PAXBP1: variants seen among roughly 807,000 people sequenced by gnomAD.
PAXBP1 encodes PAX3- and PAX7-binding protein 1.
Under a neutral mutation model 119.9 loss-of-function variants are expected in PAXBP1, and 44 were observed. That is an observed-to-expected ratio of 0.37 (90% confidence interval 0.29 to 0.47). The LOEUF is 0.47. Ranked by LOEUF, PAXBP1 falls within the 20% of genes least tolerant of loss-of-function variation. The pLI is 0.99. For synonymous variants in PAXBP1, 393 were observed against 406.6 expected (o/e 0.97, Z 0.40); for missense variants, 898 against 1,134.1 (o/e 0.79, Z 2.99).
rs182144257 is a variant in PAXBP1 at position 32,754,592 on chromosome 21, T to C, written c.1507+638A>G. Among the ~76,000 whole-genome samples the C allele has an allele frequency of 3.6e-3, 551 of 152,358 alleles. 2 individuals carry two copies. The highest frequency in any genetic ancestry group is 0.024 in the South Asian group (115 of 4,826). ...TTTTCCATAACACATGTCATAATGATGGAAGTACAAATTCAATTTCTATCC... is the reference window on the plus strand; with the variant it reads ...TTTTCCATAACACATGTCATAATGACGGAAGTACAAATTCAATTTCTATCC... On this transcript the variant is annotated intron_variant, in intron 8 of 17. Transcript: ENST00000331923.
chr21:32,765,825 A>G (rs2044230976), intron 2 of PAXBP1, among the ~76,000 whole-genome samples: 1 of 152,158 alleles, frequency 6.6e-6, no homozygotes, highest in African/African-American at 2.4e-5. Flanking sequence ...TGGAGTAAAA[A>G]CTACCTATTT....
intron 10 of PAXBP1, among the ~76,000 whole-genome samples, chr21:32,749,742 C>T (rs1325275319): frequency 1.3e-5 from 2 of 151,628 alleles, no homozygotes; most frequent in Middle Eastern, 3.2e-3. Context: ...TTCCAGTTTA[C>T]AAGAAATGGA....
At position 32,771,581 on chromosome 21, in the gene PAXBP1, GC is replaced by G; in HGVS notation, c.87del (p.Pro30ArgfsTer38). 1 of 1,441,210 alleles carries G rather than the reference GC, an allele frequency of 6.9e-7. No individual in the cohort carries two copies. 89.3% of individuals were successfully genotyped at this position (1,441,210 alleles called of 1,614,324 possible). A position where few individuals can be genotyped will look rare whatever the true frequency, so the allele number is the denominator to read the frequency against. ...GTGCCCGGCGGCGGCAACAACGGCG[GC>G]GGCTCCTGCTCCTCATCGCGTTCCC... ...EERERDEEQEPPPLLPPPGTG... is the reference protein window; with the variant it reads ...EERERDEEQEXPPLLPPPGTG... On this transcript the variant is annotated frameshift_variant, in exon 1 of 18. Coordinates refer to ENST00000331923, the MANE Select transcript of PAXBP1 (RefSeq NM_016631.4). LOFTEE classifies it high-confidence loss of function.
At position 32,753,995 on chromosome 21, in the gene PAXBP1, A is replaced by G. The variant is rs562781334; in HGVS notation, c.1507+1235T>C. Among the ~76,000 whole-genome samples, 4 of 152,324 alleles carry G rather than the reference A, an allele frequency of 2.6e-5. No individual in the cohort carries two copies. In the South Asian group the frequency reaches 8.3e-4, roughly 32 times the overall value. The stretch of plus-strand genomic sequence containing the variant: ...ATCAAAAGTGATCTGGGAGGGATGC[A>G]TGAGTCATGTAGGTGGCTAATGTCA... On this transcript the variant is annotated intron_variant, in intron 8 of 17. Coordinates refer to ENST00000331923, the MANE Select transcript of PAXBP1 (RefSeq NM_016631.4).
intron 7 of PAXBP1, among the ~76,000 whole-genome samples, chr21:32,758,376 C>G (rs2044077387): frequency 1.3e-5 from 2 of 150,786 alleles, no homozygotes; most frequent in Admixed American, 6.6e-5. Flanking sequence ...AAACCAGTGC[C>G]TCAACCAATA....
intron 4 of PAXBP1, among the ~76,000 whole-genome samples, chr21:32,761,472 C>T (rs1056233473): frequency 4.6e-5 from 7 of 152,160 alleles, no homozygotes; most frequent in Non-Finnish European, 7.3e-5. Context: ...TATGAATTTA[C>T]GCATGTAAAC....
intron 10 of PAXBP1, 35 bp from the exon 11 acceptor site, chr21:32,748,733 T>A (rs1320743138): frequency 1.3e-6 from 2 of 1,565,294 alleles, no homozygotes. Context: ...GAACCATACA[T>A]TAGTATGAAG....
chr21:32,747,842 C>T (rs2043897831), intron 11 of PAXBP1, among the ~76,000 whole-genome samples: 1 of 151,232 alleles, frequency 6.6e-6, no homozygotes, highest in African/African-American at 2.4e-5. Context: ...GGCTGCAGTG[C>T]AGTGGCACAA....
At chr21:32,750,047 A>G (rs932633744) in intron 10 of PAXBP1, among the ~76,000 whole-genome samples, 3 of 152,328 alleles carry the variant, frequency 2.0e-5, no homozygotes, top group African/African-American at 7.2e-5. Flanking sequence ...TATGGACATG[A>G]TATTAAGAAA....
At chr21:32,752,963 T>C (rs1027484588) in intron 8 of PAXBP1, among the ~76,000 whole-genome samples, 2 of 152,028 alleles carry the variant, frequency 1.3e-5, no homozygotes, top group African/African-American at 4.8e-5. Flanking sequence ...GAGTTTTTCA[T>C]TCATATTTCA....
intron 8 of PAXBP1, among the ~76,000 whole-genome samples, chr21:32,754,512 A>G (rs192547376): frequency 3.3e-5 from 5 of 152,314 alleles, no homozygotes; most frequent in Non-Finnish European, 2.9e-5. Flanking sequence ...ACGGTTTAAA[A>G]CATCCAGTTA....
intron 17 of PAXBP1, among the ~76,000 whole-genome samples, chr21:32,736,922 C>G (rs1443835209): frequency 6.6e-6 from 1 of 152,064 alleles, no homozygotes; most frequent in Non-Finnish European, 1.5e-5. Flanking sequence ...GGGAGATAAA[C>G]TTGAATTTAA....
At chr21:32,754,369 T>C (rs2044009422) in intron 8 of PAXBP1, among the ~76,000 whole-genome samples, 3 of 152,182 alleles carry the variant, frequency 2.0e-5, no homozygotes, top group Non-Finnish European at 4.4e-5. Flanking sequence ...GTAATTGTGA[T>C]GCACACTTCC....
chr21:32,759,915 C>T lies in PAXBP1; in HGVS notation c.1055G>A (p.Gly352Asp), dbSNP rs1454705189. 2 of 1,613,932 alleles carry T rather than the reference C, an allele frequency of 1.2e-6. No homozygotes were observed. The highest frequency in any genetic ancestry group is 1.1e-5 in the South Asian group (1 of 91,078). ...YQTMPYGSSY[G>D]IPYSYTAYGS... ...ATAGGCCGTATAACTATAAGGAATG[C>T]CATAGGATGAGCCGTAAGGCATTGT... Residue 352 changes from glycine (G) to aspartate (D), a missense_variant, in exon 6 of 18, where the codon GGC (glycine) becomes GAC (aspartate). Gly to Asp is a moderately conservative substitution (Grantham distance 94). Around this residue, in one of 2 missense-constraint regions of PAXBP1, gnomAD observed 599 missense variants for 852.7 expected, o/e 0.70. Transcript: ENST00000331923.
rs866453789 is a variant in PAXBP1, at chr21:32,742,844, A to G, written c.2334+404T>C. ...TAATCTCTTACTGTGCCTAATTTAT[A>G]AGTTAAACTTTATCATAGGTATGTA... On this transcript the variant is annotated intron_variant, in intron 15 of 17. Coordinates refer to ENST00000331923, the MANE Select transcript of PAXBP1 (RefSeq NM_016631.4). The G allele has an allele frequency of 3.2e-4, 104 of 327,628 alleles. No homozygotes were observed. The Middle Eastern group carries it at 6.8e-3, about 21-fold the overall frequency. The allele number at this position is 327,628 out of a possible 1,614,324, so 20.3% of individuals were successfully genotyped here.
intron 8 of PAXBP1, 73 bp downstream of exon 8, chr21:32,755,157 T>A: frequency 3.2e-6 from 4 of 1,254,630 alleles, no homozygotes; most frequent in Non-Finnish European, 4.3e-6. Context: ...CCAAGATCTC[T>A]AATTTTCAAT....
intron 2 of PAXBP1, among the ~76,000 whole-genome samples, chr21:32,769,433 C>T (rs2044297359): frequency 6.6e-6 from 1 of 152,168 alleles, no homozygotes; most frequent in East Asian, 1.9e-4. Flanking sequence ...GGAAATACCA[C>T]CAAAGAAATC....
Position 32,750,928 on chromosome 21 carries a change from T to A in PAXBP1, c.1712A>T (p.Asn571Ile). ...AATAAATGTCTAACCTTTTTCCAGA[T>A]TGAAATTAGTAATATCTGTAGAAGT... ...EETSTDITNF[N>I]LEKDRISKES... The change falls in exon 10 of 18, where the codon AAT becomes ATT. Residue 571 changes from asparagine (N) to isoleucine (I), a missense_variant. Coordinates refer to ENST00000331923, the MANE Select transcript of PAXBP1 (RefSeq NM_016631.4). The A allele has an allele frequency of 6.2e-7, 1 of 1,609,464 alleles. No individual in the cohort carries two copies. The highest frequency in any genetic ancestry group is 1.1e-5 in the South Asian group (1 of 90,212).
Position 32,737,329 on chromosome 21 carries a change from C to T in PAXBP1, c.2561G>A (p.Arg854Gln), listed in dbSNP as rs138511262. 41 of 1,608,672 alleles carry T rather than the reference C, an allele frequency of 2.5e-5. No homozygotes were observed. Among genetic ancestry groups the T allele is most frequent in the Non-Finnish European group, 3.2e-5 (38 of 1,177,308 alleles). ...TGTATCCGCTAAGTGTACAAGGTAT[C>T]GGCAAAAGTTTTCTAACTGAGAAAT... is the stretch of plus-strand genomic sequence containing the variant. ...RTISQLENFC[R>Q]YLVHLADTIY... is the part of the protein sequence containing the mutation. Residue 854 changes from arginine to glutamine, a missense_variant, in exon 17 of 18, where the codon CGA becomes CAA. By Grantham distance (43) the Arg-to-Gln change is conservative (BLOSUM62 1). Transcript: ENST00000331923.
Sources: gnomAD v4.1 joint callset for allele counts (sites outside exome capture counted in the v4.1 genomes callset) on GRCh38, gnomAD v4.1.1 for gene constraint, gnomAD v4.1.1 regional missense constraint, MANE v1.5 for transcripts, NCBI Gene and HGNC (gene_info 2026-07-23, HGNC 2026-07-21) for gene names.